Variants in ELMOD1 observed in about 807,000 individuals in gnomAD.
The protein encoded by ELMOD1 is ELMO domain-containing protein 1.
In ELMOD1, 21 loss-of-function variants were observed where a neutral mutation model predicts 46.7. That is an observed-to-expected ratio of 0.45 (90% CI 0.32 to 0.65). The LOEUF (loss-of-function observed/expected upper bound fraction) is 0.65, where lower values mean the gene tolerates loss of function less well. Among genes scored for constraint, ELMOD1 ranks in the 30% least tolerant of loss-of-function variants. The pLI is 0.04. For missense variants in ELMOD1, 348 were observed against 407.8 expected (o/e 0.85, Z 1.26); for synonymous variants, 122 against 138.2 (o/e 0.88, Z 0.82).
intron 2 of ELMOD1, chr11:107,623,850 T>A (rs1030048405): frequency 6.6e-6 from 1 of 152,226 alleles, no homozygotes; most frequent in Non-Finnish European, 1.5e-5. Context: ...ATTTCTTCTG[T>A]ACTGCACGGT....
chr11:107,665,116 G>A lies in ELMOD1; in HGVS notation c.924G>A (p.Lys308=). ...EFNRVREKFR[K]RIIKQLQNPD... ...ATCGTGTGAGGGAGAAATTCCGCAA[G>A]AGGATCATCAAACAGCTGCAGAACC... is the stretch of plus-strand genomic sequence containing the variant. Residue 308 remains lysine (K), a synonymous_variant, in exon 12 of 12, where the codon AAG becomes AAA. Transcript: ENST00000265840. 2 of 1,613,994 alleles carry A rather than the reference G, an allele frequency of 1.2e-6. No homozygotes were observed. The highest frequency in any genetic ancestry group is 1.6e-4 in the Middle Eastern group (1 of 6,062).
At chr11:107,630,301 A>C (rs767281887) in intron 2 of ELMOD1, 116 bp from the exon 3 acceptor site, 2 of 842,910 alleles carry the variant, frequency 2.4e-6, no homozygotes, top group Non-Finnish European at 3.6e-6. Context: ...TGTTAAGTAT[A>C]AGGTGATTTT....
rs905101785 is a variant in ELMOD1 at position 107,644,662 on chromosome 11, G to T, written c.421-2806G>T. Among the ~76,000 whole-genome samples, 5 of 151,652 alleles carry T rather than the reference G, an allele frequency of 3.3e-5. No individual in the cohort carries two copies. The East Asian group carries it at 7.9e-4, about 24-fold the overall frequency. On this transcript the variant is annotated intron_variant, in intron 6 of 11. Coordinates refer to ENST00000265840, the MANE Select transcript of ELMOD1 (RefSeq NM_018712.4). Reference sequence around the variant, plus strand: ...GCTTATTTTTTGTATTTTTAGTAGAGACGGGGTTTTACCGTGTTAGCCAGG... The same window carrying T: ...GCTTATTTTTTGTATTTTTAGTAGATACGGGGTTTTACCGTGTTAGCCAGG...
intron 6 of ELMOD1, among the ~76,000 whole-genome samples, chr11:107,637,586 G>A (rs1443258569): frequency 5.3e-5 from 8 of 151,994 alleles, no homozygotes; most frequent in Non-Finnish European, 1.2e-4. Flanking sequence ...CCAGGTACTC[G>A]GGAGGCTGAG....
At chr11:107,638,884 C>T (rs1377066208) in intron 6 of ELMOD1, among the ~76,000 whole-genome samples, 1 of 152,224 alleles carries the variant, frequency 6.6e-6, no homozygotes, top group African/African-American at 2.4e-5. Context: ...CAGTGGCTCA[C>T]ACCTGTAATC....
At chr11:107,626,376 G>GAAAA (rs111962841) in intron 2 of ELMOD1, among the ~76,000 whole-genome samples, 38 of 66,898 alleles carry the variant, frequency 5.7e-4, no homozygotes, top group African/African-American at 1.8e-3. Context: ...ATGCAGTCAT[G>GAAAA]AAAAAAAAAA....
intron 1 of ELMOD1, among the ~76,000 whole-genome samples, chr11:107,598,144 G>GA (rs1417271397): frequency 1.3e-5 from 2 of 152,100 alleles, no homozygotes; most frequent in African/African-American, 2.4e-5. Flanking sequence ...AGGTTCTCCA[G>GA]AAAAAAGGAG....
At chr11:107,642,936 G>T in intron 6 of ELMOD1, 2 of 333,834 alleles carry the variant, frequency 6.0e-6, no homozygotes, top group South Asian at 3.0e-5. Context: ...TTCTAAAGTT[G>T]GTACAATCAG....
At chr11:107,649,009 G>C (rs1408932075) in intron 7 of ELMOD1, among the ~76,000 whole-genome samples, 1 of 151,892 alleles carries the variant, frequency 6.6e-6, no homozygotes, top group Admixed American at 6.6e-5. Flanking sequence ...CATTTTGGTG[G>C]CATCCCAATT....
At chr11:107,601,562 C>T (rs1363412796) in intron 1 of ELMOD1, among the ~76,000 whole-genome samples, 1 of 151,202 alleles carries the variant, frequency 6.6e-6, no homozygotes, top group Non-Finnish European at 1.5e-5. Flanking sequence ...ATTACAGGCA[C>T]GTGCCACCAT....
intron 2 of ELMOD1, among the ~76,000 whole-genome samples, chr11:107,629,331 G>A (rs978139122): frequency 4.6e-5 from 7 of 152,160 alleles, no homozygotes; most frequent in Admixed American, 3.3e-4. Context: ...TTTAGAACTG[G>A]AAGGAATTAG....
intron 6 of ELMOD1, chr11:107,643,772 G>A: frequency 2.3e-6 from 1 of 444,406 alleles, no homozygotes; most frequent in Non-Finnish European, 4.6e-6. Context: ...TGCGTATACT[G>A]CTGAACAGCT....
At chr11:107,649,088 T>C (rs1186573927) in intron 7 of ELMOD1, among the ~76,000 whole-genome samples, 1 of 152,224 alleles carries the variant, frequency 6.6e-6, no homozygotes, top group African/African-American at 2.4e-5. Context: ...TTATGAAACA[T>C]TTTAATGTAA....
At chr11:107,599,573 C>T (rs1343998346) in intron 1 of ELMOD1, among the ~76,000 whole-genome samples, 1 of 151,626 alleles carries the variant, frequency 6.6e-6, no homozygotes, top group Non-Finnish European at 1.5e-5. Flanking sequence ...GAAACCTGAT[C>T]TCTACTACAA....
At chr11:107,649,111 G>A (rs1866481960) in intron 7 of ELMOD1, among the ~76,000 whole-genome samples, 1 of 152,030 alleles carries the variant, frequency 6.6e-6, no homozygotes, top group African/African-American at 2.4e-5. Context: ...TTAATGAATG[G>A]AAAGTAAATA....
intron 1 of ELMOD1, among the ~76,000 whole-genome samples, chr11:107,603,500 C>T (rs1193410441): frequency 6.6e-6 from 1 of 152,158 alleles, no homozygotes; most frequent in African/African-American, 2.4e-5. Flanking sequence ...GATCATGCCA[C>T]TGCACTCCAG....
At chr11:107,615,789 C>T (rs932909560) in intron 1 of ELMOD1, among the ~76,000 whole-genome samples, 6 of 151,338 alleles carry the variant, frequency 4.0e-5, no homozygotes, top group Non-Finnish European at 7.4e-5. Flanking sequence ...TTGAGGGGTA[C>T]TGATTAGATA....
In ELMOD1 at chr11:107,665,430, C is replaced by T; in HGVS notation, c.*233C>T. The stretch of plus-strand genomic sequence containing the variant: ...TGGCATTATGCAGTGTTACATCTTG[C>T]CTTGATACCCAGGTATGGAGAGAGT... On this transcript the variant is annotated 3_prime_UTR_variant, in exon 12 of 12. Transcript: ENST00000265840. 2.4e-6 allele frequency: 1 copy of T among 424,638 alleles called. No individual in the cohort carries two copies. 26.3% of individuals were successfully genotyped at this position (424,638 alleles called of 1,614,324 possible).
intron 1 of ELMOD1, among the ~76,000 whole-genome samples, chr11:107,602,132 A>G (rs1461049077): frequency 6.6e-6 from 1 of 152,254 alleles, no homozygotes; most frequent in Non-Finnish European, 1.5e-5. Context: ...GGCTAAGTGT[A>G]GAAATGTAGA....
Sources: gnomAD v4.1 joint callset for allele counts (sites outside exome capture counted in the v4.1 genomes callset) on GRCh38, gnomAD v4.1.1 for gene constraint, MANE v1.5 for transcripts, NCBI Gene and HGNC (gene_info 2026-07-23, HGNC 2026-07-21) for gene names.